PARN: variants seen among roughly 807,000 people sequenced by gnomAD.
PARN encodes poly(A)-specific ribonuclease.
PARN carries 71 observed loss-of-function variants against 102.8 expected under a neutral mutation model. That is an observed-to-expected ratio of 0.69 (90% CI 0.57 to 0.84). PARN has a LOEUF of 0.84. Among genes scored for constraint, PARN ranks in the 40% least tolerant of loss-of-function variants. The pLI is 0.00. For synonymous variants in PARN, 261 were observed against 252.9 expected, an observed-to-expected ratio of 1.03 and a Z score of -0.30; for missense variants, 782 against 760.9, an observed-to-expected ratio of 1.03 and a Z score of -0.33.
chr16:14,563,522 G>GTA lies in PARN; in HGVS notation c.1263-7815_1263-7814dup, dbSNP rs1555499416. On this transcript the variant is annotated intron_variant, in intron 18 of 23. Coordinates refer to ENST00000437198, the MANE Select transcript of PARN (RefSeq NM_002582.4). ...TGTGTGTGTGTGTGTGTGTGTGTGT[G>GTA]TATATAATTCTTTTAAGTTCTGGGA... Among the ~76,000 whole-genome samples, 805 of 149,242 alleles carry GTA rather than the reference G, an allele frequency of 5.4e-3. 9 individuals carry two copies. Among genetic ancestry groups the GTA allele is most frequent in the Non-Finnish European group, 7.6e-3 (509 of 67,402 alleles).
At chr16:14,551,474 CAGG>C (rs774780249) in intron 21 of PARN, among the ~76,000 whole-genome samples, 8 of 152,114 alleles carry the variant, frequency 5.3e-5, no homozygotes, top group Non-Finnish European at 1.0e-4. Context: ...GAGGCTGAGA[CAGG>C]AGAAGTGCTT....
chr16:14,458,414 T>C (rs1315459867), intron 22 of PARN, among the ~76,000 whole-genome samples: 2 of 152,154 alleles, frequency 1.3e-5, no homozygotes, highest in African/African-American at 4.8e-5. Flanking sequence ...GAAAATAAAC[T>C]ACTTTTTAAA....
intron 12 of PARN, among the ~76,000 whole-genome samples, chr16:14,593,950 T>C (rs1224228745): frequency 2.6e-5 from 4 of 151,804 alleles, no homozygotes; most frequent in Admixed American, 2.6e-4. Context: ...TGAGCCAAGA[T>C]TGCACCACTG....
At chr16:14,439,195 G>C (rs952010675) in intron 23 of PARN, among the ~76,000 whole-genome samples, 1 of 152,012 alleles carries the variant, frequency 6.6e-6, no homozygotes, top group African/African-American at 2.4e-5. Context: ...AACACAGGGA[G>C]ACCCTGCCTC....
rs1015278090 is a variant in PARN, at chr16:14,566,402, C to T, written c.1263-10693G>A. Reference sequence around the variant, plus strand: ...CCCTAAGCAGAGGGATGCCAAGGAACGCCTGCAGCCACTGGAAGCCAGAGG... The same window carrying T: ...CCCTAAGCAGAGGGATGCCAAGGAATGCCTGCAGCCACTGGAAGCCAGAGG... On this transcript the variant is annotated intron_variant, in intron 18 of 23. Transcript: ENST00000437198. Among the ~76,000 whole-genome samples, 6 of 152,110 alleles carry T rather than the reference C, an allele frequency of 3.9e-5. No individual in the cohort carries two copies. The South Asian group carries it at 6.2e-4, about 16-fold the overall frequency.
intron 18 of PARN, among the ~76,000 whole-genome samples, chr16:14,562,355 G>A (rs1968119393): frequency 6.6e-6 from 1 of 151,432 alleles, no homozygotes; most frequent in Non-Finnish European, 1.5e-5. Context: ...CTACTTGGGA[G>A]GCTAAGGCAG....
intron 21 of PARN, among the ~76,000 whole-genome samples, chr16:14,550,153 T>C (rs1340929388): frequency 6.6e-6 from 1 of 151,980 alleles, no homozygotes; most frequent in Admixed American, 6.6e-5. Flanking sequence ...AACCTCAAGG[T>C]CCCCACCCCC....
Position 14,545,522 on chromosome 16 carries a change from A to T in PARN, c.1480+6499T>A, listed in dbSNP as rs537037410. Among the ~76,000 whole-genome samples, 10 of 152,360 alleles carry T rather than the reference A, an allele frequency of 6.6e-5. No homozygotes were observed. In the South Asian group the frequency reaches 1.9e-3, roughly 28 times the overall value. ...TAAACAGTTAACATACAACTAACGC[A>T]GTACTTAGAGGATAATTTATAGCTT... On this transcript the variant is annotated intron_variant, in intron 21 of 23. Transcript: ENST00000437198.
intron 22 of PARN, among the ~76,000 whole-genome samples, chr16:14,478,487 TCTTACTTAATGGGGAAA>T (rs1963199463): frequency 1.3e-5 from 2 of 152,194 alleles, no homozygotes; most frequent in South Asian, 4.2e-4. Flanking sequence ...CAACCTAAAA[TCTTACTTAATGGGGAAA>T]CATTGAACTT....
At chr16:14,622,231 T>G (rs552199453) in intron 5 of PARN, among the ~76,000 whole-genome samples, 328 of 152,216 alleles carry the variant, frequency 2.2e-3, no homozygotes, top group Middle Eastern at 6.8e-3. Flanking sequence ...GAACAGATAT[T>G]TGGGAGGACA....
intron 6 of PARN, among the ~76,000 whole-genome samples, chr16:14,612,912 C>A (rs1451008997): frequency 1.3e-5 from 2 of 149,710 alleles, no homozygotes; most frequent in Non-Finnish European, 1.5e-5. Context: ...CATGTTAAAT[C>A]ATCTAAGGGA....
intron 21 of PARN, among the ~76,000 whole-genome samples, chr16:14,548,577 A>T (rs139963382): frequency 2.6e-5 from 4 of 152,342 alleles, no homozygotes; most frequent in Admixed American, 2.0e-4. Flanking sequence ...TTTACAGTCT[A>T]TCTGTGAAAA....
At chr16:14,558,034 C>T (rs1440983638) in intron 18 of PARN, among the ~76,000 whole-genome samples, 1 of 152,162 alleles carries the variant, frequency 6.6e-6, no homozygotes, top group East Asian at 1.9e-4. Context: ...AGGAATAACT[C>T]TTGTTATTGT....
chr16:14,493,621 G>A (rs376304285), intron 21 of PARN, among the ~76,000 whole-genome samples: 5 of 152,280 alleles, frequency 3.3e-5, no homozygotes, highest in South Asian at 2.1e-4. Context: ...TAAAGGAGGC[G>A]AAAAGACTGG....
chr16:14,599,974 T>A lies in PARN; in HGVS notation c.784-14A>T. ...ATTCAGCTCCTCCTAATTAAAAAAA[T>A]ATATACATATGTATTATTGATGTAT... On this transcript the variant is annotated splice_polypyrimidine_tract_variant and intron_variant, in intron 11 of 23. Transcript: ENST00000437198. 1 of 1,453,082 alleles carries A rather than the reference T, an allele frequency of 6.9e-7. No homozygotes were observed. Among genetic ancestry groups the A allele is most frequent in the Non-Finnish European group, 9.6e-7 (1 of 1,045,274 alleles). 90.0% of individuals were successfully genotyped at this position (1,453,082 alleles called of 1,614,324 possible). A position where few individuals can be genotyped will look rare whatever the true frequency, so the allele number is the denominator to read the frequency against.
intron 21 of PARN, among the ~76,000 whole-genome samples, chr16:14,512,814 A>C (rs1435167559): frequency 6.6e-6 from 1 of 152,198 alleles, no homozygotes; most frequent in Non-Finnish European, 1.5e-5. Context: ...TAAAATCAGC[A>C]ATAAAAGCAA....
chr16:14,587,027 A>G (rs1969900676), intron 13 of PARN, among the ~76,000 whole-genome samples: 1 of 152,176 alleles, frequency 6.6e-6, no homozygotes. Context: ...GAATTAACTC[A>G]TTTACATACA....
At chr16:14,440,476 A>G (rs1241312652) in intron 23 of PARN, among the ~76,000 whole-genome samples, 3 of 152,210 alleles carry the variant, frequency 2.0e-5, no homozygotes, top group Non-Finnish European at 2.9e-5. Context: ...TACAGTTACC[A>G]TATGACCCAG....
chr16:14,505,872 T>A (rs1039514380), intron 21 of PARN, among the ~76,000 whole-genome samples: 5 of 152,156 alleles, frequency 3.3e-5, no homozygotes, highest in African/African-American at 7.2e-5. Context: ...ATCCATTTTT[T>A]AAAAAAATCA....
Sources: allele counts gnomAD v4.1 joint callset (sites outside exome capture counted in the v4.1 genomes callset), GRCh38; gene constraint gnomAD v4.1.1; transcripts MANE v1.5; gene names NCBI Gene and HGNC (gene_info 2026-07-23, HGNC 2026-07-21).